NODAL: variants seen among roughly 807,000 people sequenced by gnomAD.
NODAL encodes the protein nodal growth differentiation factor.
In NODAL, 12 loss-of-function variants were observed where a neutral mutation model predicts 34.0. That is an observed-to-expected ratio of 0.35 (90% CI 0.23 to 0.57). The LOEUF (loss-of-function observed/expected upper bound fraction) is 0.57, where lower values mean the gene tolerates loss of function less well. Among genes scored for constraint, NODAL ranks in the 20% least tolerant of loss-of-function variants. The pLI is 0.83. For synonymous variants in NODAL, 162 were observed against 186.4 expected (o/e 0.87, Z 1.07); for missense variants, 390 against 444.2 (o/e 0.88, Z 1.10).
chr10:70,440,555 G>C (rs4747030), intron 1 of NODAL, among the ~76,000 whole-genome samples: 147,271 of 152,214 alleles, frequency 0.97, 71,400 homozygotes, highest in East Asian at 1. Context: ...TCTGGCCCCC[G>C]CAGGCGGAGG....
intron 1 of NODAL, among the ~76,000 whole-genome samples, chr10:70,441,177 C>G (rs1023216492): frequency 1.3e-5 from 2 of 152,270 alleles, no homozygotes; most frequent in African/African-American, 4.8e-5. Context: ...GCGCTGCGCT[C>G]CGCGCAATCC....
At chr10:70,434,096 C>A (rs1845309092) in intron 2 of NODAL, among the ~76,000 whole-genome samples, 1 of 152,144 alleles carries the variant, frequency 6.6e-6, no homozygotes, top group African/African-American at 2.4e-5. Flanking sequence ...ACCCTGAATC[C>A]CGCCTGAGGC....
rs1455300714 is a variant in NODAL, at chr10:70,435,526, C to T, written c.651G>A (p.Glu217=). 6.2e-7 allele frequency: 1 copy of T among 1,614,134 alleles called. No homozygotes were observed. The change falls in exon 2 of 3, where the codon GAG becomes GAA. Residue 217 remains glutamate (E), a synonymous_variant. Transcript: ENST00000287139. ...GTCCCTCCTGGGCCCGCCAGGAGCTCTCGGCTTCCCACAGCAAGGTGGACC... is the reference window on the plus strand; with the variant it reads ...GTCCCTCCTGGGCCCGCCAGGAGCTTTCGGCTTCCCACAGCAAGGTGGACC... ...LGGSTLLWEA[E]SSWRAQEGQL...
chr10:70,447,809 T>C, intron 1 of NODAL: 3 of 459,464 alleles, frequency 6.5e-6, no homozygotes, highest in South Asian at 4.8e-5. Flanking sequence ...GACTCCTTTC[T>C]CTCTGAGGCC....
At position 70,441,676 on chromosome 10, in the gene NODAL, G is replaced by A. The variant is rs756480830; in HGVS notation, c.-9C>T. 10 of 1,548,748 alleles carry A rather than the reference G, an allele frequency of 6.5e-6. No homozygotes were observed. The highest frequency in any genetic ancestry group is 8.7e-6 in the Non-Finnish European group (10 of 1,146,928). On this transcript the variant is annotated 5_prime_UTR_variant, in exon 1 of 3. Coordinates refer to ENST00000287139, the MANE Select transcript of NODAL (RefSeq NM_018055.5). The stretch of plus-strand genomic sequence containing the variant: ...AGGCAGTGGGCGTGCATGGTGGGCT[G>A]GCCAGGCCTGAAAGCAGCACCTCCA...
chr10:70,437,461 A>G (rs1262441580), intron 1 of NODAL, among the ~76,000 whole-genome samples: 1 of 152,186 alleles, frequency 6.6e-6, no homozygotes, highest in East Asian at 1.9e-4. Flanking sequence ...AACAACAAAC[A>G]TAGTAATGAA....
upstream of NODAL, among the ~76,000 whole-genome samples, chr10:70,443,980 T>C (rs1372517871): frequency 4.7e-5 from 7 of 149,782 alleles, no homozygotes; most frequent in Admixed American, 4.7e-4. Flanking sequence ...TCGCCCAGGC[T>C]AGAGTGCAAT....
intron 1 of NODAL, among the ~76,000 whole-genome samples, 179 bp downstream of exon 1, chr10:70,441,296 G>A (rs1207416300): frequency 1.3e-5 from 2 of 152,222 alleles, no homozygotes; most frequent in East Asian, 3.9e-4. Context: ...GCTGCACCCC[G>A]AGCCTGCTGA....
upstream of NODAL, among the ~76,000 whole-genome samples, chr10:70,444,282 G>A (rs1328326274): frequency 6.6e-6 from 1 of 151,466 alleles, no homozygotes; most frequent in East Asian, 2.0e-4. Context: ...TTAGAATTTG[G>A]TGAGAGGGCA....
At position 70,432,080 on chromosome 10, in the gene NODAL, A is replaced by G. The variant is rs1845269284; in HGVS notation, c.*856T>C. Among the ~76,000 whole-genome samples, 1 of 152,272 alleles carries G rather than the reference A, an allele frequency of 6.6e-6. No individual in the cohort carries two copies. Among genetic ancestry groups the G allele is most frequent in the Non-Finnish European group, 1.5e-5 (1 of 68,048 alleles). ...CTTCCAGTGGCTGAGCTGTGACCAT[A>G]GAGCAAGTATCTTGCCACCCAGGGC... is the stretch of plus-strand genomic sequence containing the variant. On this transcript the variant is annotated 3_prime_UTR_variant, in exon 3 of 3. Transcript: ENST00000287139.
chr10:70,437,667 G>C (rs111517728), intron 1 of NODAL, among the ~76,000 whole-genome samples: 1 of 152,168 alleles, frequency 6.6e-6, no homozygotes, highest in Non-Finnish European at 1.5e-5. Flanking sequence ...GATGATCTCT[G>C]ATGTAGGTCC....
In NODAL at chr10:70,435,651, C is replaced by T. The variant is rs1845339320; in HGVS notation, c.526G>A (p.Val176Ile). 6.2e-7 allele frequency: 1 copy of T among 1,614,076 alleles called. No homozygotes were observed. The highest frequency in any genetic ancestry group is 1.1e-5 in the South Asian group (1 of 91,080). Reference sequence around the variant, plus strand: ...GGCCGCGGCCAGCACTCTCCAGCTACCCTGGACATCTGCTTCTCCAGGGCC... The same window carrying T: ...GGCCGCGGCCAGCACTCTCCAGCTATCCTGGACATCTGCTTCTCCAGGGCC... Reference protein sequence around the residue: ...PGALEKQMSRVAGECWPRPPT... With the variant: ...PGALEKQMSRIAGECWPRPPT... Residue 176 changes from valine (V) to isoleucine (I), a missense_variant, in exon 2 of 3, where the codon GTA becomes ATA. Val to Ile is a conservative substitution (Grantham distance 29). Transcript: ENST00000287139.
chr10:70,436,065 C>T, intron 1 of NODAL, 82 bp from the exon 2 acceptor site: 1 of 1,158,784 alleles, frequency 8.6e-7, no homozygotes, highest in East Asian at 2.3e-5. Context: ...CACCATAGCT[C>T]TTGCTGGAGG....
In NODAL at chr10:70,432,812, C is replaced by T. The variant is rs1045656582; in HGVS notation, c.*124G>A. 7 of 1,145,710 alleles carry T rather than the reference C, an allele frequency of 6.1e-6. No homozygotes were observed. The South Asian group carries it at 6.2e-5, about 10-fold the overall frequency. The allele number at this position is 1,145,710 out of a possible 1,614,324, so 71.0% of individuals were successfully genotyped here. On this transcript the variant is annotated 3_prime_UTR_variant, in exon 3 of 3. Coordinates refer to ENST00000287139, the MANE Select transcript of NODAL (RefSeq NM_018055.5). ...AGTGGGCAGCCCCTCCTCTTCAGTT[C>T]TGGTGGGCAGAGCAACTTTGCCCCT...
intron 1 of NODAL, among the ~76,000 whole-genome samples, chr10:70,438,056 G>A (rs1341934796): frequency 1.3e-5 from 2 of 152,056 alleles, no homozygotes; most frequent in African/African-American, 2.4e-5. Flanking sequence ...TTGGGAGGCT[G>A]AGGTGGGTGG....
rs1277965129 is a variant in NODAL at position 70,435,325 on chromosome 10, A to G, written c.852T>C (p.Val284=). 6.2e-7 allele frequency: 1 copy of G among 1,613,606 alleles called. No individual in the cohort carries two copies. Among genetic ancestry groups the G allele is most frequent in the African/African-American group, 1.3e-5 (1 of 74,904 alleles). The change falls in exon 2 of 3, where the codon GTT becomes GTC. Residue 284 remains valine, a synonymous_variant. Transcript: ENST00000287139. ...YRCEGECPNP[V]GEEFHPTNHA... Reference sequence around the variant, plus strand: ...GGTTGGTCGGATGAAACTCCTCCCCAACAGGATTAGGACACTCGCCCTCAC... The same window carrying G: ...GGTTGGTCGGATGAAACTCCTCCCCGACAGGATTAGGACACTCGCCCTCAC...
At chr10:70,442,853 G>C (rs1291713346), upstream of NODAL, among the ~76,000 whole-genome samples, 2 of 152,114 alleles carry the variant, frequency 1.3e-5, no homozygotes, top group African/African-American at 4.8e-5. Context: ...GGAGGATGAG[G>C]CTGGCAGATA....
upstream of NODAL, among the ~76,000 whole-genome samples, chr10:70,442,254 C>T (rs557063825): frequency 6.6e-6 from 1 of 152,348 alleles, no homozygotes; most frequent in East Asian, 1.9e-4. Context: ...GCAGGAGGGA[C>T]CAGGACGATG....
upstream of NODAL, among the ~76,000 whole-genome samples, chr10:70,445,451 G>T (rs1845478750): frequency 1.3e-5 from 2 of 152,018 alleles, no homozygotes; most frequent in Non-Finnish European, 2.9e-5. Context: ...GTAGAGATGG[G>T]GTTTCACCGT....
Sources: gnomAD v4.1 joint callset for allele counts (sites outside exome capture counted in the v4.1 genomes callset) on GRCh38, gnomAD v4.1.1 for gene constraint, MANE v1.5 for transcripts, NCBI Gene and HGNC (gene_info 2026-07-23, HGNC 2026-07-21) for gene names.